The following MTFR2 variants were observed in gnomAD, a reference collection of about 807,000 sequenced individuals.
MTFR2 encodes the protein DUF729 domain-containing protein 1.
Under a neutral mutation model 41.2 loss-of-function variants are expected in MTFR2, and 44 were observed. The ratio of observed to expected loss-of-function variants is 1.07; its 90% CI spans 0.84 to 1.37. MTFR2 has a LOEUF of 1.37. Among genes scored for constraint, MTFR2 ranks in the 40% most tolerant of loss-of-function variants. The pLI, the probability that MTFR2 is intolerant of heterozygous loss-of-function variation, is 0.00. For synonymous variants in MTFR2, 141 were observed against 154.6 expected (o/e 0.91, Z 0.65); for missense variants, 452 against 459.5 (o/e 0.98, Z 0.15).
Position 136,249,160 on chromosome 6 carries a change from G to A in MTFR2, c.-54-7C>T. Reference sequence around the variant, plus strand: ...ATTATCAGTTTCTTGGTGCCTTTGGGGAAAATTTTAGAAAATGTTACTCTT... The same window carrying A: ...ATTATCAGTTTCTTGGTGCCTTTGGAGAAAATTTTAGAAAATGTTACTCTT... On this transcript the variant is annotated splice_polypyrimidine_tract_variant and splice_region_variant and intron_variant, in intron 1 of 7. Transcript: ENST00000420702. 1.4e-6 allele frequency: 2 copies of A among 1,422,032 alleles called. No individual in the cohort carries two copies. Among genetic ancestry groups the A allele is most frequent in the Non-Finnish European group, 1.9e-6 (2 of 1,056,758 alleles). The allele number at this position is 1,422,032 out of a possible 1,614,324, so 88.1% of individuals were successfully genotyped here. A position where few individuals can be genotyped will look rare whatever the true frequency, so the allele number is the denominator to read the frequency against.
At chr6:136,237,937 A>G (rs898253591) in intron 6 of MTFR2, among the ~76,000 whole-genome samples, 16 of 152,198 alleles carry the variant, frequency 1.1e-4, no homozygotes, top group African/African-American at 3.6e-4. Flanking sequence ...TGCAGCATAG[A>G]AAAAAGGGGG....
At chr6:136,238,284 C>T (rs574924437) in intron 6 of MTFR2, among the ~76,000 whole-genome samples, 2 of 152,282 alleles carry the variant, frequency 1.3e-5, no homozygotes, top group South Asian at 2.1e-4. Context: ...AAGATAAATG[C>T]TGCATGATTC....
intron 1 of MTFR2, among the ~76,000 whole-genome samples, chr6:136,249,503 A>G (rs1780305283): frequency 6.6e-6 from 1 of 152,204 alleles, no homozygotes; most frequent in Non-Finnish European, 1.5e-5. Flanking sequence ...CTCTTAGCAG[A>G]TGGGTGAGTT....
At chr6:136,237,192 G>C (rs1779929205) in intron 6 of MTFR2, among the ~76,000 whole-genome samples, 1 of 152,272 alleles carries the variant, frequency 6.6e-6, no homozygotes, top group East Asian at 1.9e-4. Flanking sequence ...ACAGCTCTGG[G>C]GTGTGGCCAA....
At chr6:136,241,074 G>C (rs1453794623) in intron 5 of MTFR2, among the ~76,000 whole-genome samples, 3 of 144,614 alleles carry the variant, frequency 2.1e-5, no homozygotes, top group Admixed American at 7.0e-5. Context: ...CTGGGCGACA[G>C]AGCAAGACTG....
chr6:136,241,021 G>A (rs1454477991), intron 5 of MTFR2, among the ~76,000 whole-genome samples: 1 of 149,962 alleles, frequency 6.7e-6, no homozygotes, highest in Non-Finnish European at 1.5e-5. Context: ...AACCCGGGAG[G>A]TGGAGCTTGC....
intron 6 of MTFR2, among the ~76,000 whole-genome samples, chr6:136,233,997 T>C (rs1039849276): frequency 1.3e-5 from 2 of 152,106 alleles, no homozygotes; most frequent in Non-Finnish European, 2.9e-5. Flanking sequence ...ATCATCAATA[T>C]ACAAGTAAGA....
intron 2 of MTFR2, 69 bp from the exon 3 acceptor site, chr6:136,244,938 G>T: frequency 8.4e-7 from 1 of 1,196,800 alleles, no homozygotes. Flanking sequence ...TATGAAAAAA[G>T]GAGATGTAAA....
intron 7 of MTFR2, among the ~76,000 whole-genome samples, chr6:136,232,161 T>TACAC (rs534551746): frequency 6.6e-6 from 1 of 151,650 alleles, no homozygotes; most frequent in Non-Finnish European, 1.5e-5. Flanking sequence ...ATCAGATATA[T>TACAC]ACACACACAC....
chr6:136,231,128 T>C lies in MTFR2; in HGVS notation c.*147A>G. The C allele has an allele frequency of 1.7e-6, 1 of 580,814 alleles. No homozygotes were observed. The highest frequency in any genetic ancestry group is 2.3e-5 in the South Asian group (1 of 44,238). 36.0% of individuals were successfully genotyped at this position (580,814 alleles called of 1,614,324 possible). On this transcript the variant is annotated 3_prime_UTR_variant, in exon 8 of 8. Transcript: ENST00000420702. ...GAAACAAAAATGACAGGCATACATA[T>C]TTACATAGCAAGTGTAGGCAAAATG...
At chr6:136,231,600 C>A (rs1391897968) in intron 7 of MTFR2, among the ~76,000 whole-genome samples, 2 of 144,878 alleles carry the variant, frequency 1.4e-5, no homozygotes, top group Non-Finnish European at 1.5e-5. Context: ...GCGGCACAGA[C>A]TGAGCTCTTA....
At chr6:136,235,276 G>A (rs557556012) in intron 6 of MTFR2, among the ~76,000 whole-genome samples, 2 of 152,314 alleles carry the variant, frequency 1.3e-5, no homozygotes, top group East Asian at 3.9e-4. Context: ...TTTCAAGGTG[G>A]CGGAAAAGAA....
At chr6:136,240,996 C>T (rs925546801) in intron 5 of MTFR2, among the ~76,000 whole-genome samples, 3 of 151,062 alleles carry the variant, frequency 2.0e-5, no homozygotes, top group Non-Finnish European at 2.9e-5. Context: ...GAGGCTGAGG[C>T]AGGAGAATGG....
At chr6:136,247,554 C>G (rs185352266) in intron 2 of MTFR2, 1 of 456,064 alleles carries the variant, frequency 2.2e-6, no homozygotes, top group South Asian at 1.5e-5. Flanking sequence ...GCTGAAGTTA[C>G]TTCTAACTTT....
chr6:136,249,609 G>C (rs1452536371), intron 1 of MTFR2, among the ~76,000 whole-genome samples: 1 of 152,212 alleles, frequency 6.6e-6, no homozygotes, highest in South Asian at 2.1e-4. Flanking sequence ...TCAAGGGTGG[G>C]GCCAGGTGAA....
In MTFR2 at chr6:136,244,225, A is replaced by G. The variant is rs1312470246; in HGVS notation, c.168+540T>C. 2.6e-5 allele frequency among the ~76,000 whole-genome samples: 4 copies of G among 152,320 alleles called. No homozygotes were observed. In the East Asian group the frequency reaches 7.7e-4, roughly 29 times the overall value. On this transcript the variant is annotated intron_variant, in intron 3 of 7. Coordinates refer to ENST00000420702, the MANE Select transcript of MTFR2 (RefSeq NM_001099286.3). The stretch of plus-strand genomic sequence containing the variant: ...TGTACAGTAATGTCCTAGGCCTTCA[A>G]ATTCACTCACCACTCACTGACTCAC...
At chr6:136,243,040 G>T in intron 3 of MTFR2, 67 bp from the exon 4 acceptor site, 2 of 967,802 alleles carry the variant, frequency 2.1e-6, no homozygotes, top group Non-Finnish European at 3.0e-6. Flanking sequence ...CATGCCCCAT[G>T]GTATTAAATT....
At chr6:136,237,788 C>T (rs995964885) in intron 6 of MTFR2, among the ~76,000 whole-genome samples, 8 of 151,898 alleles carry the variant, frequency 5.3e-5, no homozygotes, top group Middle Eastern at 3.4e-3. Context: ...TGCACTCCAG[C>T]CCGGGCGACA....
At chr6:136,241,721 A>G (rs895766190) in intron 4 of MTFR2, 45 bp from the exon 5 acceptor site, 6 of 1,442,548 alleles carry the variant, frequency 4.2e-6, no homozygotes, top group Non-Finnish European at 5.7e-6. Flanking sequence ...ATATATTTCC[A>G]ATCAAAAGAG....
Sources: gnomAD v4.1 joint callset for allele counts (sites outside exome capture counted in the v4.1 genomes callset) on GRCh38, gnomAD v4.1.1 for gene constraint, MANE v1.5 for transcripts, NCBI Gene and HGNC (gene_info 2026-07-23, HGNC 2026-07-21) for gene names.